Variants in HIPK2 observed in about 807,000 individuals in gnomAD.
HIPK2 encodes homeodomain-interacting protein kinase 2.
Under a neutral mutation model 113.7 loss-of-function variants are expected in HIPK2, and 27 were observed. The ratio of observed to expected loss-of-function variants is 0.24; its 90% CI spans 0.17 to 0.33. HIPK2 has a LOEUF of 0.33. Ranked by LOEUF, HIPK2 falls within the 10% of genes least tolerant of loss-of-function variation. The pLI is 1.00. For missense variants in HIPK2, 1,257 were observed against 1,588.0 expected (o/e 0.79, Z 3.54); for synonymous variants, 631 against 642.2 (o/e 0.98, Z 0.26).
intron 1 of HIPK2, among the ~76,000 whole-genome samples, chr7:139,764,738 G>A (rs959461398): frequency 7.2e-5 from 11 of 152,328 alleles, no homozygotes; most frequent in South Asian, 4.1e-4. Flanking sequence ...CCTGGCGAGA[G>A]GGGTAGAATG....
chr7:139,713,774 A>C (rs1795137981), intron 2 of HIPK2, among the ~76,000 whole-genome samples: 1 of 152,130 alleles, frequency 6.6e-6, no homozygotes, highest in Non-Finnish European at 1.5e-5. Flanking sequence ...TTACCAACCT[A>C]AATACGAAGT....
intron 1 of HIPK2, among the ~76,000 whole-genome samples, chr7:139,730,358 TTCTC>T (rs1050060908): frequency 7.2e-5 from 11 of 152,054 alleles, no homozygotes; most frequent in Admixed American, 2.6e-4. Flanking sequence ...CTGCAATTTT[TTCTC>T]TCTTTTTTTT....
chr7:139,629,319 G>A lies in HIPK2; in HGVS notation c.1348-280C>T, dbSNP rs77011813. The stretch of plus-strand genomic sequence containing the variant: ...GCTGATCAAGGTATGCCACATCCTC[G>A]ATCAGCTTACAGCCTTCTCTGAGTC... On this transcript the variant is annotated intron_variant, in intron 4 of 14. Coordinates refer to ENST00000406875, the MANE Select transcript of HIPK2 (RefSeq NM_022740.5). Among the ~76,000 whole-genome samples the A allele has an allele frequency of 2.3e-3, 346 of 152,294 alleles. 2 individuals carry two copies. The highest frequency in any genetic ancestry group is 8.1e-3 in the African/African-American group (336 of 41,566).
Position 139,631,592 on chromosome 7 carries a change from C to T in HIPK2, c.1227+10G>A, listed in dbSNP as rs747176558. On this transcript the variant is annotated intron_variant, in intron 3 of 14. Coordinates refer to ENST00000406875, the MANE Select transcript of HIPK2 (RefSeq NM_022740.5). The surrounding 1 kb of genome is among the most constrained non-coding windows in gnomAD (Gnocchi z 4.9). Reference sequence around the variant, plus strand: ...GAGGTCTTGTGAATATCTGTGTCATCTGGACCCACCTGATCATACTCCGAA... The same window carrying T: ...GAGGTCTTGTGAATATCTGTGTCATTTGGACCCACCTGATCATACTCCGAA... 1 of 1,612,360 alleles carries T rather than the reference C, an allele frequency of 6.2e-7. No individual in the cohort carries two copies. Among genetic ancestry groups the T allele is most frequent in the South Asian group, 1.1e-5 (1 of 90,732 alleles).
chr7:139,766,669 G>A (rs986008338), intron 1 of HIPK2, among the ~76,000 whole-genome samples: 1 of 152,330 alleles, frequency 6.6e-6, no homozygotes, highest in East Asian at 1.9e-4. Context: ...ATGCGCTGGC[G>A]ACAAGTGGAC....
chr7:139,575,111 C>G lies in HIPK2; in HGVS notation c.3126+17G>C. The G allele has an allele frequency of 6.3e-7, 1 of 1,581,066 alleles. No individual in the cohort carries two copies. The highest frequency in any genetic ancestry group is 1.3e-5 in the African/African-American group (1 of 74,504). On this transcript the variant is annotated intron_variant, in intron 14 of 14. Transcript: ENST00000406875. ...TGGGGGCCCTGCCTGGCCTGGGGCG[C>G]CAGCTGTGGGGCTTACCTGGCTGAG... is the stretch of plus-strand genomic sequence containing the variant.
chr7:139,753,837 T>G (rs1426670287), intron 1 of HIPK2, among the ~76,000 whole-genome samples: 1 of 152,256 alleles, frequency 6.6e-6, no homozygotes, highest in Non-Finnish European at 1.5e-5. Flanking sequence ...CCTTTAATTA[T>G]GCCAATTGTG....
chr7:139,599,907 C>T (rs1799358118), intron 11 of HIPK2, among the ~76,000 whole-genome samples: 1 of 152,132 alleles, frequency 6.6e-6, no homozygotes, highest in African/African-American at 2.4e-5. Flanking sequence ...AAAAACCTTG[C>T]TAAGTCAGTT....
intron 2 of HIPK2, among the ~76,000 whole-genome samples, chr7:139,702,300 G>C: frequency 6.6e-6 from 1 of 152,238 alleles, no homozygotes. Flanking sequence ...ACAGGCTGTC[G>C]ACCCTCTTAT....
intron 12 of HIPK2, among the ~76,000 whole-genome samples, chr7:139,592,761 C>A (rs184554857): frequency 2.0e-5 from 3 of 152,138 alleles, no homozygotes; most frequent in Non-Finnish European, 4.4e-5. Flanking sequence ...CTTTTCTAAT[C>A]GAAATTGTCT....
At chr7:139,728,223 G>A (rs926644567) in intron 1 of HIPK2, among the ~76,000 whole-genome samples, 1 of 152,152 alleles carries the variant, frequency 6.6e-6, no homozygotes, top group East Asian at 1.9e-4. Context: ...GATTACAGGT[G>A]TGAGCCACTG....
chr7:139,670,269 C>G (rs1403359441), intron 2 of HIPK2, among the ~76,000 whole-genome samples: 1 of 152,020 alleles, frequency 6.6e-6, no homozygotes, highest in Non-Finnish European at 1.5e-5. Context: ...CTGGACATTG[C>G]CACCCAGCTC....
chr7:139,640,457 C>G (rs562296978), intron 2 of HIPK2, among the ~76,000 whole-genome samples: 7 of 152,258 alleles, frequency 4.6e-5, no homozygotes, highest in South Asian at 4.1e-4. Flanking sequence ...GGTTGAATCC[C>G]AGCCCTGTCA....
chr7:139,576,063 A>T (rs1373792842), intron 13 of HIPK2, among the ~76,000 whole-genome samples: 2 of 152,250 alleles, frequency 1.3e-5, no homozygotes, highest in African/African-American at 4.8e-5. Context: ...GGTCCCCACC[A>T]TGGGTGACTA....
At chr7:139,729,904 G>A (rs927374216) in intron 1 of HIPK2, among the ~76,000 whole-genome samples, 1 of 152,144 alleles carries the variant, frequency 6.6e-6, no homozygotes, top group African/African-American at 2.4e-5. Flanking sequence ...GAATTTTTCA[G>A]CCACTTCCTA....
At chr7:139,647,924 G>A (rs930234035) in intron 2 of HIPK2, among the ~76,000 whole-genome samples, 1 of 152,240 alleles carries the variant, frequency 6.6e-6, no homozygotes, top group East Asian at 1.9e-4. Context: ...TGTCAGCTGT[G>A]TAAGTAGGTC....
At position 139,716,855 on chromosome 7, in the gene HIPK2, C is replaced by A; in HGVS notation, c.180G>T (p.Ser60=). Residue 60 remains serine, a synonymous_variant, in exon 2 of 15, where the codon TCG becomes TCT. Coordinates refer to ENST00000406875, the MANE Select transcript of HIPK2 (RefSeq NM_022740.5). This position sits in a 1 kb window ranked among gnomAD's most constrained non-coding sequence, Gnocchi z 9.3. ...VYSQSKNIPL[S]QPATTTVSTS... ...TGCTGACGGTTGTGGTGGCTGGCTG[C>A]GACAGGGGGATGTTCTTGCTCTGGC... 1 of 1,613,764 alleles carries A rather than the reference C, an allele frequency of 6.2e-7. No individual in the cohort carries two copies. The highest frequency in any genetic ancestry group is 8.5e-7 in the Non-Finnish European group (1 of 1,179,860).
At chr7:139,711,560 G>A (rs1484630346) in intron 2 of HIPK2, among the ~76,000 whole-genome samples, 1 of 152,076 alleles carries the variant, frequency 6.6e-6, no homozygotes, top group East Asian at 1.9e-4. Flanking sequence ...AGAATATTTT[G>A]AATAATCCAG....
intron 1 of HIPK2, among the ~76,000 whole-genome samples, chr7:139,761,299 T>C (rs998356610): frequency 4.7e-4 from 71 of 152,176 alleles, no homozygotes; most frequent in African/African-American, 1.7e-3. Context: ...TACAAAACCA[T>C]TAAGTAAACG....
Sources: allele counts gnomAD v4.1 joint callset (sites outside exome capture counted in the v4.1 genomes callset), GRCh38; gene constraint gnomAD v4.1.1; non-coding constraint Gnocchi (gnomAD v3.1); transcripts MANE v1.5; gene names NCBI Gene and HGNC (gene_info 2026-07-23, HGNC 2026-07-21).